The following ULK4 variants were observed in gnomAD, a reference collection of about 807,000 sequenced individuals.
The protein encoded by ULK4 is inactive serine/threonine-protein kinase ULK4.
In ULK4, 133 loss-of-function variants were observed where a neutral mutation model predicts 160.6. That is an observed-to-expected ratio of 0.83 (90% CI 0.72 to 0.96). The LOEUF is 0.96. Among genes scored for constraint, ULK4 ranks in the 40% least tolerant of loss-of-function variants. The probability of loss-of-function intolerance (pLI) is 0.00; values close to 1 mark genes in which losing one functional copy is unlikely to be tolerated. For missense variants in ULK4, 1,580 were observed against 1,499.5 expected (o/e 1.05, Z -0.89); for synonymous variants, 534 against 539.8 (o/e 0.99, Z 0.15).
At chr3:41,872,002 GT>G (rs1241850420) in intron 17 of ULK4, among the ~76,000 whole-genome samples, 1 of 152,154 alleles carries the variant, frequency 6.6e-6, no homozygotes, top group Non-Finnish European at 1.5e-5. Flanking sequence ...AGAGTACTGA[GT>G]TGTGTTCTGG....
intron 20 of ULK4, among the ~76,000 whole-genome samples, chr3:41,793,117 G>A (rs1457362188): frequency 6.6e-6 from 1 of 151,704 alleles, no homozygotes; most frequent in East Asian, 1.9e-4. Flanking sequence ...AGGTTGCAAT[G>A]AGCCAAGATC....
chr3:41,622,152 C>T (rs1008846016), intron 30 of ULK4, among the ~76,000 whole-genome samples: 5 of 152,170 alleles, frequency 3.3e-5, no homozygotes, highest in Non-Finnish European at 7.3e-5. Flanking sequence ...AACACTTTTA[C>T]ACTGTTGGTG....
At chr3:41,929,007 C>T (rs1412873611) in intron 5 of ULK4, among the ~76,000 whole-genome samples, 1 of 152,008 alleles carries the variant, frequency 6.6e-6, no homozygotes, top group Non-Finnish European at 1.5e-5. Context: ...CCAGCATCAT[C>T]CTGATACCAA....
chr3:41,705,238 T>C lies in ULK4; in HGVS notation c.2686+16A>G, dbSNP rs371264037. ...TACCTCAAACAAAGACACAAAATGT[T>C]CCAGGGTCTACTCACCTATGGCTCC... On this transcript the variant is annotated intron_variant, in intron 26 of 36. Transcript: ENST00000301831. 2 of 1,613,506 alleles carry C rather than the reference T, an allele frequency of 1.2e-6. No individual in the cohort carries two copies. The highest frequency in any genetic ancestry group is 4.5e-5 in the East Asian group (2 of 44,854).
At chr3:41,683,327 C>A (rs1179553154) in intron 27 of ULK4, among the ~76,000 whole-genome samples, 1 of 152,024 alleles carries the variant, frequency 6.6e-6, no homozygotes, top group Non-Finnish European at 1.5e-5. Context: ...GCCTCATGTC[C>A]TATTGCATTG....
intron 17 of ULK4, among the ~76,000 whole-genome samples, chr3:41,878,342 T>C (rs1325951854): frequency 1.3e-5 from 2 of 152,118 alleles, no homozygotes; most frequent in Non-Finnish European, 2.9e-5. Context: ...TCAAAAAGAC[T>C]AATGACTGCA....
At chr3:41,375,199 C>T (rs1178399186) in intron 35 of ULK4, among the ~76,000 whole-genome samples, 2 of 152,110 alleles carry the variant, frequency 1.3e-5, no homozygotes, top group African/African-American at 2.4e-5. Flanking sequence ...GTGAGAACAG[C>T]CATACTGCCC....
intron 35 of ULK4, among the ~76,000 whole-genome samples, chr3:41,340,603 A>T (rs772220353): frequency 8.5e-5 from 13 of 152,240 alleles, no homozygotes; most frequent in Non-Finnish European, 1.6e-4. Flanking sequence ...TAAAAATTAA[A>T]ATCCAGTTCC....
chr3:41,736,828 C>A (rs1375797082), intron 22 of ULK4, among the ~76,000 whole-genome samples: 4 of 151,490 alleles, frequency 2.6e-5, no homozygotes, highest in Non-Finnish European at 5.9e-5. Context: ...GGTTTTAGGT[C>A]TAACGTTTAA....
chr3:41,771,438 C>T (rs1010656956), intron 21 of ULK4, among the ~76,000 whole-genome samples: 1 of 152,042 alleles, frequency 6.6e-6, no homozygotes. Flanking sequence ...GATGGCAAAA[C>T]TCAGTAAATG....
intron 27 of ULK4, among the ~76,000 whole-genome samples, chr3:41,683,904 A>T (rs1319415309): frequency 6.6e-6 from 1 of 152,138 alleles, no homozygotes; most frequent in Non-Finnish European, 1.5e-5. Context: ...CTATTCAAGC[A>T]TGCAAGCCTA....
rs139045537 is a variant in ULK4, at chr3:41,842,468, T to C, written c.1657-6497A>G. On this transcript the variant is annotated intron_variant, in intron 17 of 36. Coordinates refer to ENST00000301831, the MANE Select transcript of ULK4 (RefSeq NM_017886.4). Reference sequence around the variant, plus strand: ...ATCCCCAGTGTTGGACGTGGGGCCTTGTGGTAGGTATTTGTATGATGGGGC... The same window carrying C: ...ATCCCCAGTGTTGGACGTGGGGCCTCGTGGTAGGTATTTGTATGATGGGGC... Among the ~76,000 whole-genome samples the C allele has an allele frequency of 4.4e-4, 67 of 152,298 alleles. No homozygotes were observed. The East Asian group carries it at 0.013, about 29-fold the overall frequency.
At chr3:41,796,335 A>G (rs1207574728) in intron 20 of ULK4, among the ~76,000 whole-genome samples, 2 of 152,112 alleles carry the variant, frequency 1.3e-5, no homozygotes, top group East Asian at 3.9e-4. Flanking sequence ...TCACGCCTGT[A>G]ATCCCAGCAC....
At chr3:41,476,647 C>A (rs2084156003) in intron 32 of ULK4, among the ~76,000 whole-genome samples, 1 of 152,064 alleles carries the variant, frequency 6.6e-6, no homozygotes, top group Admixed American at 6.6e-5. Context: ...CTCTCCCTCT[C>A]TCTCATCTAG....
chr3:41,496,269 C>T (rs182911684), intron 32 of ULK4, among the ~76,000 whole-genome samples: 13 of 152,076 alleles, frequency 8.5e-5, no homozygotes, highest in East Asian at 3.9e-4. Context: ...AGGAAGACTG[C>T]GATATACAAC....
At chr3:41,508,640 T>C (rs1427399509) in intron 32 of ULK4, among the ~76,000 whole-genome samples, 3 of 152,110 alleles carry the variant, frequency 2.0e-5, no homozygotes, top group African/African-American at 7.2e-5. Flanking sequence ...ATGGATCACA[T>C]CACAGGACTC....
chr3:41,919,193 G>C lies in ULK4; in HGVS notation c.643+524C>G, dbSNP rs373147470. 7.8e-4 allele frequency among the ~76,000 whole-genome samples: 118 copies of C among 152,230 alleles called. 1 individual carries two copies. The highest frequency in any genetic ancestry group is 2.7e-3 in the African/African-American group (111 of 41,534). On this transcript the variant is annotated intron_variant, in intron 6 of 36. Coordinates refer to ENST00000301831, the MANE Select transcript of ULK4 (RefSeq NM_017886.4). ...CAATTTTTGAGTTAGGCACATTTCA[G>C]CATTCCAGATTATCATGAAAAATTA...
Position 41,642,186 on chromosome 3 carries a change from T to C in ULK4, c.3071+21421A>G, listed in dbSNP as rs1020304555. On this transcript the variant is annotated intron_variant, in intron 30 of 36. Transcript: ENST00000301831. ...ACTGCGCCCAGCCAATACGTAACAGTTTTTACTCTTTTTTTTTAATACTTT... is the reference window on the plus strand; with the variant it reads ...ACTGCGCCCAGCCAATACGTAACAGCTTTTACTCTTTTTTTTTAATACTTT... Among the ~76,000 whole-genome samples the C allele has an allele frequency of 9.2e-5, 14 of 151,756 alleles. No homozygotes were observed. The East Asian group carries it at 2.5e-3, about 27-fold the overall frequency.
Position 41,323,391 on chromosome 3 carries a change from A to AACACACACACAC in ULK4, c.3679-73829_3679-73818dup, listed in dbSNP as rs34357899. ...AAATCCCGACCCCTTCCTGAACAAT[A>AACACACACACAC]ACACACACACACACACACACACACA... On this transcript the variant is annotated intron_variant, in intron 35 of 36. Coordinates refer to ENST00000301831, the MANE Select transcript of ULK4 (RefSeq NM_017886.4). 3.0e-3 allele frequency among the ~76,000 whole-genome samples: 362 copies of AACACACACACAC among 120,308 alleles called. 3 individuals carry two copies. Among genetic ancestry groups the AACACACACACAC allele is most frequent in the East Asian group, 8.2e-3 (32 of 3,900 alleles). 78.9% of individuals were successfully genotyped at this position (120,308 alleles called of 152,430 possible). A position where few individuals can be genotyped will look rare whatever the true frequency, so the allele number is the denominator to read the frequency against.
Sources: gnomAD v4.1 joint callset for allele counts (sites outside exome capture counted in the v4.1 genomes callset) on GRCh38, gnomAD v4.1.1 for gene constraint, MANE v1.5 for transcripts, NCBI Gene and HGNC (gene_info 2026-07-23, HGNC 2026-07-21) for gene names.